DENND5A: variants seen among roughly 807,000 people sequenced by gnomAD.
The protein encoded by DENND5A is DENN domain containing 5A.
Under a neutral mutation model 140.3 loss-of-function variants are expected in DENND5A, and 64 were observed. The observed-to-expected ratio is 0.46, with a 90% CI of 0.37 to 0.56. DENND5A has a LOEUF of 0.56. Ranked by LOEUF, DENND5A falls within the 20% of genes least tolerant of loss-of-function variation. The pLI, the probability that DENND5A is intolerant of heterozygous loss-of-function variation, is 0.00. For missense variants in DENND5A, 1,292 were observed against 1,593.8 expected (o/e 0.81, Z 3.22); for synonymous variants, 605 against 607.7 (o/e 1.00, Z 0.07).
intron 1 of DENND5A, among the ~76,000 whole-genome samples, chr11:9,209,624 A>C (rs1404989173): frequency 1.3e-5 from 2 of 152,178 alleles, no homozygotes; most frequent in African/African-American, 2.4e-5. Context: ...AGCAAGAGCA[A>C]AGTATTTTCT....
intron 6 of DENND5A, among the ~76,000 whole-genome samples, chr11:9,179,719 G>A (rs778057444): frequency 2.6e-5 from 4 of 152,108 alleles, no homozygotes; most frequent in Non-Finnish European, 5.9e-5. Flanking sequence ...GACTGGTCTC[G>A]AACTCCCAAC....
At chr11:9,264,887 TGAAG>T (rs1432105436) in intron 1 of DENND5A, 70 bp downstream of exon 1, 2 of 1,325,034 alleles carry the variant, frequency 1.5e-6, no homozygotes, top group Admixed American at 2.1e-5. Flanking sequence ...AAAGCGGGGC[TGAAG>T]GAAGGTTTCT....
intron 1 of DENND5A, among the ~76,000 whole-genome samples, chr11:9,259,382 C>CA (rs1224128342): frequency 1.3e-5 from 2 of 151,654 alleles, no homozygotes; most frequent in Non-Finnish European, 2.9e-5. Flanking sequence ...CACGGTGACA[C>CA]CCCATCTCTA....
rs763835548 is a variant in DENND5A, at chr11:9,152,345, G to A, written c.2521+13C>T. The stretch of plus-strand genomic sequence containing the variant: ...GAGAGAGGGCAGACTCTCCATTGCA[G>A]AGACTATCTTACCTGAGGTACTGAG... On this transcript the variant is annotated intron_variant, in intron 13 of 22. Transcript: ENST00000328194. 2 of 1,586,252 alleles carry A rather than the reference G, an allele frequency of 1.3e-6. No homozygotes were observed. Among genetic ancestry groups the A allele is most frequent in the African/African-American group, 2.7e-5 (2 of 74,274 alleles).
chr11:9,203,998 G>C lies in DENND5A; in HGVS notation c.611C>G (p.Ser204Cys). Residue 204 changes from serine to cysteine, a missense_variant, in exon 4 of 23, where the codon TCT becomes TGT. Coordinates refer to ENST00000328194, the MANE Select transcript of DENND5A (RefSeq NM_015213.4). ...YDISRDTLYV[S>C]KCICLITPMS... The stretch of plus-strand genomic sequence containing the variant: ...GGGTGTGATGAGGCAGATGCACTTA[G>C]AGACGTAGAGAGTGTCCCGGCTAAT... The C allele has an allele frequency of 1.2e-6, 2 of 1,614,178 alleles. No homozygotes were observed. Among genetic ancestry groups the C allele is most frequent in the Non-Finnish European group, 1.7e-6 (2 of 1,180,028 alleles).
chr11:9,174,347 G>A (rs964547034), intron 8 of DENND5A, among the ~76,000 whole-genome samples: 2 of 151,566 alleles, frequency 1.3e-5, no homozygotes, highest in Non-Finnish European at 2.9e-5. Flanking sequence ...ATTACATGCT[G>A]CCTACAATAA....
intron 18 of DENND5A, 77 bp from the exon 19 acceptor site, chr11:9,144,355 A>G (rs2136113424): frequency 2.1e-6 from 3 of 1,416,810 alleles, no homozygotes; most frequent in Non-Finnish European, 2.9e-6. Flanking sequence ...AACAAAGCCA[A>G]TCCCTGGAGA....
chr11:9,202,455 TAATA>T (rs1403377513), intron 4 of DENND5A, among the ~76,000 whole-genome samples: 1 of 152,166 alleles, frequency 6.6e-6, no homozygotes, highest in Non-Finnish European at 1.5e-5. Context: ...ACAGAGATCA[TAATA>T]AAGCAAATGT....
intron 4 of DENND5A, among the ~76,000 whole-genome samples, chr11:9,197,795 C>T (rs1016478812): frequency 6.6e-6 from 1 of 152,016 alleles, no homozygotes; most frequent in Non-Finnish European, 1.5e-5. Context: ...TAAGGATACA[C>T]AAAAAATTGG....
At chr11:9,146,922 A>G (rs1847449852) in intron 16 of DENND5A, 108 bp downstream of exon 16, 1 of 1,306,924 alleles carries the variant, frequency 7.7e-7, no homozygotes, top group Non-Finnish European at 1.1e-6. Context: ...ACAAATAGAA[A>G]GTACAAGGGA....
chr11:9,235,262 T>C (rs1850952095), intron 1 of DENND5A, among the ~76,000 whole-genome samples: 1 of 152,134 alleles, frequency 6.6e-6, no homozygotes, highest in Admixed American at 6.6e-5. Flanking sequence ...CAAAATATGG[T>C]ACGTATTATT....
intron 1 of DENND5A, among the ~76,000 whole-genome samples, chr11:9,254,569 T>A (rs1187082504): frequency 1.3e-5 from 2 of 152,228 alleles, no homozygotes; most frequent in African/African-American, 4.8e-5. Context: ...TGAGTTTTGC[T>A]GCAGCTAGTA....
intron 4 of DENND5A, among the ~76,000 whole-genome samples, chr11:9,197,229 C>T (rs1443373842): frequency 3.3e-5 from 5 of 151,216 alleles, no homozygotes; most frequent in South Asian, 2.1e-4. Flanking sequence ...CGTTTGAACC[C>T]GGGAGGCAGA....
intron 11 of DENND5A, among the ~76,000 whole-genome samples, chr11:9,164,056 GTTTTT>G (rs768604681): frequency 3.3e-4 from 19 of 57,976 alleles, no homozygotes; most frequent in African/African-American, 7.7e-4. Context: ...TATTAATCAG[GTTTTT>G]TTTTTTTTTT....
intron 12 of DENND5A, among the ~76,000 whole-genome samples, chr11:9,159,116 G>A (rs1390159496): frequency 1.3e-5 from 2 of 152,092 alleles, no homozygotes; most frequent in Non-Finnish European, 2.9e-5. Flanking sequence ...GTGGCCTTTT[G>A]TGTCTGGCTT....
chr11:9,198,608 T>C (rs1849413837), intron 4 of DENND5A, among the ~76,000 whole-genome samples: 1 of 144,508 alleles, frequency 6.9e-6, no homozygotes, highest in Admixed American at 7.0e-5. Flanking sequence ...AGACTCCACC[T>C]CAAAAAAAAA....
chr11:9,150,847 T>C, intron 13 of DENND5A, 83 bp from the exon 14 acceptor site: 1 of 779,846 alleles, frequency 1.3e-6, no homozygotes, highest in Non-Finnish European at 2.1e-6. Flanking sequence ...AAATCACAAA[T>C]TGCTATGGGA....
At chr11:9,252,852 ATT>A (rs576567620) in intron 1 of DENND5A, among the ~76,000 whole-genome samples, 13 of 144,040 alleles carry the variant, frequency 9.0e-5, no homozygotes, top group Admixed American at 2.1e-4. Flanking sequence ...CAGCAACAGG[ATT>A]TTTTTTTTTT....
At chr11:9,179,341 AG>A (rs1398347136) in intron 6 of DENND5A, among the ~76,000 whole-genome samples, 1 of 152,196 alleles carries the variant, frequency 6.6e-6, no homozygotes, top group African/African-American at 2.4e-5. Context: ...GGGCAGAGAG[AG>A]ATTCTGCCAT....
Sources: gnomAD v4.1 joint callset for allele counts (sites outside exome capture counted in the v4.1 genomes callset) on GRCh38, gnomAD v4.1.1 for gene constraint, MANE v1.5 for transcripts, NCBI Gene and HGNC (gene_info 2026-07-23, HGNC 2026-07-21) for gene names.